The following FAT3 variants were observed in gnomAD, a reference collection of about 807,000 sequenced individuals.
FAT3 encodes the protein FAT atypical cadherin 3.
FAT3 carries 95 observed loss-of-function variants against 310.2 expected under a neutral mutation model. That is an observed-to-expected ratio of 0.31 (90% CI 0.26 to 0.36). The LOEUF (loss-of-function observed/expected upper bound fraction) is 0.36, where lower values mean the gene tolerates loss of function less well. Among genes scored for constraint, FAT3 ranks in the 10% least tolerant of loss-of-function variants. FAT3 has a pLI of 1.00. For synonymous variants in FAT3, 2,314 were observed against 2,192.9 expected, an observed-to-expected ratio of 1.06 and a Z score of -1.54; for missense variants, 5,408 against 5,715.6, an observed-to-expected ratio of 0.95 and a Z score of 1.74.
chr11:92,761,916 G>A lies in FAT3; in HGVS notation c.3730G>A (p.Val1244Ile), dbSNP rs2136083992. The A allele has an allele frequency of 6.2e-7, 1 of 1,613,912 alleles. No individual in the cohort carries two copies. The highest frequency in any genetic ancestry group is 8.5e-7 in the Non-Finnish European group (1 of 1,179,868). The part of the protein sequence containing the change: ...KQSTIWVVVQ[V>I]LDENDNKPQF... ...GTCAACCATTTGGGTGGTGGTTCAG[G>A]TTCTAGATGAAAATGACAACAAGCC... is the stretch of plus-strand genomic sequence containing the variant. The change falls in exon 5 of 28, where the codon GTT becomes ATT. Residue 1244 changes from valine (V) to isoleucine (I), a missense_variant. Physicochemically the swap from Val to Ile is conservative, Grantham distance 29. This residue lies in a region of FAT3 where 4,588 missense variants were observed against 4,809.8 expected (regional missense o/e 0.95). Transcript: ENST00000525166.
At chr11:92,228,832 A>T (rs1260868388) in intron 1 of FAT3, among the ~76,000 whole-genome samples, 3 of 152,324 alleles carry the variant, frequency 2.0e-5, no homozygotes, top group African/African-American at 2.4e-5. Flanking sequence ...GAAAGATAGT[A>T]ATGAGGATAT....
chr11:92,473,556 T>C (rs970620671), intron 2 of FAT3, among the ~76,000 whole-genome samples: 4 of 152,248 alleles, frequency 2.6e-5, no homozygotes, highest in African/African-American at 7.2e-5. Context: ...TATCTCATCT[T>C]AAGGCGTCAA....
intron 3 of FAT3, among the ~76,000 whole-genome samples, chr11:92,676,262 C>A (rs959719337): frequency 6.6e-6 from 1 of 152,164 alleles, no homozygotes; most frequent in Non-Finnish European, 1.5e-5. Context: ...GTGCTTGTCA[C>A]CTATAATGCT....
At position 92,522,032 on chromosome 11, in the gene FAT3, A is replaced by G. The variant is rs188973482; in HGVS notation, c.3293-2602A>G. On this transcript the variant is annotated intron_variant, in intron 2 of 27. Coordinates refer to ENST00000525166, the MANE Select transcript of FAT3 (RefSeq NM_001367949.2). Reference sequence around the variant, plus strand: ...CCCTCTCATTATCTCTGTTCCTCCAATGGCAGCACAGGGTCCAGTGGATGC... The same window carrying G: ...CCCTCTCATTATCTCTGTTCCTCCAGTGGCAGCACAGGGTCCAGTGGATGC... Among the ~76,000 whole-genome samples the G allele has an allele frequency of 6.2e-4, 94 of 152,276 alleles. 1 individual carries two copies. The highest frequency in any genetic ancestry group is 2.2e-3 in the African/African-American group (91 of 41,554).
At chr11:92,544,594 C>A (rs1253198615) in intron 3 of FAT3, among the ~76,000 whole-genome samples, 1 of 152,150 alleles carries the variant, frequency 6.6e-6, no homozygotes, top group Non-Finnish European at 1.5e-5. Flanking sequence ...CTGCCATCAC[C>A]TGCCACCCCC....
chr11:92,831,658 C>T lies in FAT3; in HGVS notation c.9518C>T (p.Ser3173Leu). 1 of 1,613,256 alleles carries T rather than the reference C, an allele frequency of 6.2e-7. No individual in the cohort carries two copies. Among genetic ancestry groups the T allele is most frequent in the African/African-American group, 1.3e-5 (1 of 75,034 alleles). The change falls in exon 14 of 28, where the codon TCA becomes TTA. Residue 3173 changes from serine to leucine, a missense_variant. Ser to Leu is a moderately radical substitution (Grantham distance 145). Transcript: ENST00000525166. ...NRKVVYSLAD[S>L]AGGVFSIDSS... ...AAGGTCGTGTACTCCCTGGCAGACT[C>T]AGCTGGTGGGGTCTTCTCCATTGAC...
At chr11:92,634,072 A>C (rs1249034496) in intron 3 of FAT3, among the ~76,000 whole-genome samples, 1 of 152,196 alleles carries the variant, frequency 6.6e-6, no homozygotes, top group African/African-American at 2.4e-5. Context: ...GCTGACTAGA[A>C]GGTTATGTTA....
At chr11:92,324,578 A>G (rs1010231088) in intron 1 of FAT3, among the ~76,000 whole-genome samples, 1 of 152,200 alleles carries the variant, frequency 6.6e-6, no homozygotes, top group Admixed American at 6.5e-5. Context: ...TTACAATAGT[A>G]ACATCAGAGA....
At chr11:92,273,703 T>C (rs1946188752) in intron 1 of FAT3, among the ~76,000 whole-genome samples, 1 of 152,204 alleles carries the variant, frequency 6.6e-6, no homozygotes, top group East Asian at 1.9e-4. Context: ...AGAGGAAGAC[T>C]ATAAAGCTCT....
At chr11:92,259,133 C>T (rs924442352) in intron 1 of FAT3, among the ~76,000 whole-genome samples, 1 of 152,038 alleles carries the variant, frequency 6.6e-6, no homozygotes, top group Non-Finnish European at 1.5e-5. Context: ...CCCCTCTGAG[C>T]ATGCTCCTGC....
At chr11:92,706,255 C>T (rs1398569890) in intron 4 of FAT3, among the ~76,000 whole-genome samples, 2 of 151,984 alleles carry the variant, frequency 1.3e-5, no homozygotes, top group Non-Finnish European at 2.9e-5. Flanking sequence ...CTTAAATTTC[C>T]CTATTATCTG....
chr11:92,666,330 A>G (rs534138640), intron 3 of FAT3, among the ~76,000 whole-genome samples: 2 of 151,652 alleles, frequency 1.3e-5, no homozygotes, highest in Admixed American at 6.6e-5. Context: ...TTTCTAATCC[A>G]TAATTATGAA....
At chr11:92,803,914 G>T (rs576893542) in intron 10 of FAT3, among the ~76,000 whole-genome samples, 1 of 152,198 alleles carries the variant, frequency 6.6e-6, no homozygotes, top group Non-Finnish European at 1.5e-5. Context: ...CACTCCCAGT[G>T]CTGAGGCCCT....
intron 2 of FAT3, among the ~76,000 whole-genome samples, chr11:92,466,927 G>A (rs1951778066): frequency 6.6e-6 from 1 of 151,710 alleles, no homozygotes; most frequent in South Asian, 2.1e-4. Flanking sequence ...ATTTTGTATG[G>A]CTGCATAGTA....
chr11:92,627,493 A>C (rs1346579648), intron 3 of FAT3, among the ~76,000 whole-genome samples: 1 of 152,142 alleles, frequency 6.6e-6, no homozygotes, highest in Non-Finnish European at 1.5e-5. Flanking sequence ...ATGGCTCCTA[A>C]ATCTTTTGGA....
chr11:92,489,585 A>T (rs960026509), intron 2 of FAT3, among the ~76,000 whole-genome samples: 8 of 152,204 alleles, frequency 5.3e-5, no homozygotes, highest in African/African-American at 9.6e-5. Context: ...ACAAATTTTT[A>T]AAAAAGTACA....
chr11:92,442,304 G>A (rs1173655091), intron 2 of FAT3, among the ~76,000 whole-genome samples: 3 of 148,668 alleles, frequency 2.0e-5, no homozygotes, highest in Non-Finnish European at 4.5e-5. Context: ...TAGTAGAGAC[G>A]GGGTTTCACT....
intron 3 of FAT3, among the ~76,000 whole-genome samples, chr11:92,639,983 C>T (rs1285970215): frequency 1.3e-5 from 2 of 152,188 alleles, no homozygotes; most frequent in Non-Finnish European, 2.9e-5. Context: ...ACCTCCATAT[C>T]GTTCCTCCTC....
chr11:92,545,827 C>G (rs1410320331), intron 3 of FAT3, among the ~76,000 whole-genome samples: 4 of 152,182 alleles, frequency 2.6e-5, no homozygotes, highest in Admixed American at 6.6e-5. Flanking sequence ...GTGTTTTATG[C>G]TATACAGCAA....
Sources: allele counts gnomAD v4.1 joint callset (sites outside exome capture counted in the v4.1 genomes callset), GRCh38; gene constraint gnomAD v4.1.1; regional missense constraint gnomAD v4.1.1; transcripts MANE v1.5; gene names NCBI Gene and HGNC (gene_info 2026-07-23, HGNC 2026-07-21).